The following NRG2 variants were observed in gnomAD, a reference collection of about 807,000 sequenced individuals.
NRG2 encodes the protein pro-neuregulin-2, membrane-bound isoform.
NRG2 carries 27 observed loss-of-function variants against 73.9 expected under a neutral mutation model. The observed-to-expected ratio is 0.37, with a 90% CI of 0.27 to 0.50. The LOEUF is 0.50. Among genes scored for constraint, NRG2 ranks in the 20% least tolerant of loss-of-function variants. The pLI is 0.96. For missense variants in NRG2, 1,126 were observed against 1,210.1 expected, an observed-to-expected ratio of 0.93 and a Z score of 1.03; for synonymous variants, 532 against 541.0, an observed-to-expected ratio of 0.98 and a Z score of 0.23.
At chr5:139,901,174 C>A (rs1363184190) in intron 1 of NRG2, among the ~76,000 whole-genome samples, 2 of 152,256 alleles carry the variant, frequency 1.3e-5, no homozygotes, top group Non-Finnish European at 2.9e-5. Flanking sequence ...GACTAGAGCT[C>A]TTGGTCCCCT....
At chr5:139,875,927 T>TG (rs1763150374) in intron 3 of NRG2, among the ~76,000 whole-genome samples, 1 of 152,252 alleles carries the variant, frequency 6.6e-6, no homozygotes, top group African/African-American at 2.4e-5. Context: ...GAAAGCAGTC[T>TG]GGGAGTTCCT....
At chr5:139,867,689 A>G (rs942002367) in intron 4 of NRG2, among the ~76,000 whole-genome samples, 5 of 152,064 alleles carry the variant, frequency 3.3e-5, no homozygotes, top group Admixed American at 6.5e-5. Context: ...GGATTCCACA[A>G]AGGAACAAGA....
rs547524767 is a variant in NRG2, at chr5:139,880,806, C to T, written c.991+50G>A. 4.4e-4 allele frequency: 651 copies of T among 1,484,450 alleles called. 5 individuals carry two copies. In the South Asian group the frequency reaches 6.8e-3, roughly 15 times the overall value. The allele number at this position is 1,484,450 out of a possible 1,614,324, so 92.0% of individuals were successfully genotyped here. ...CCCAAGGGCTGGGGGGCCACTGGCCCGCCCTGCCAAACCCCTCTAGGACCC... is the reference window on the plus strand; with the variant it reads ...CCCAAGGGCTGGGGGGCCACTGGCCTGCCCTGCCAAACCCCTCTAGGACCC... On this transcript the variant is annotated intron_variant, in intron 3 of 9. Coordinates refer to ENST00000361474, the MANE Select transcript of NRG2 (RefSeq NM_004883.3).
chr5:139,992,316 T>C (rs746074271), intron 1 of NRG2, among the ~76,000 whole-genome samples: 2 of 152,246 alleles, frequency 1.3e-5, no homozygotes, highest in Non-Finnish European at 2.9e-5. Flanking sequence ...TAAATTACTT[T>C]TACATATTCA....
chr5:140,042,542 G>T lies in NRG2; in HGVS notation c.528C>A (p.Arg176=). Residue 176 remains arginine, a synonymous_variant, in exon 1 of 10, where the codon CGC becomes CGA. Coordinates refer to ENST00000361474, the MANE Select transcript of NRG2 (RefSeq NM_004883.3). ...AGGAGCCCACGCTGATCACCTGCTC[G>T]CGCTGCAGCCCCCCGCTCCGGAGCG... ...KWPLRSGGLQ[R]EQVISVGSCV... 6.2e-7 allele frequency: 1 copy of T among 1,612,658 alleles called. No individual in the cohort carries two copies. Among genetic ancestry groups the T allele is most frequent in the African/African-American group, 1.3e-5 (1 of 74,924 alleles).
intron 1 of NRG2, among the ~76,000 whole-genome samples, chr5:140,029,287 T>C (rs1372767884): frequency 1.3e-5 from 2 of 152,136 alleles, no homozygotes; most frequent in African/African-American, 2.4e-5. Context: ...AGAAACACAG[T>C]CAGGAACAGA....
chr5:139,920,739 G>A (rs1012249200), intron 1 of NRG2, among the ~76,000 whole-genome samples: 3 of 152,118 alleles, frequency 2.0e-5, no homozygotes, highest in Admixed American at 6.5e-5. Context: ...GGTAGGGAAG[G>A]CAGAATACTC....
rs1484540485 is a variant in NRG2 at position 139,851,716 on chromosome 5, C to T, written c.1660G>A (p.Glu554Lys). 2 of 1,614,078 alleles carry T rather than the reference C, an allele frequency of 1.2e-6. No homozygotes were observed. Among genetic ancestry groups the T allele is most frequent in the African/African-American group, 2.7e-5 (2 of 74,936 alleles). The change falls in exon 9 of 10, where the codon GAG becomes AAG. Residue 554 changes from glutamate (E) to lysine (K), a missense_variant. Around this residue, in one of 3 missense-constraint regions of NRG2, gnomAD observed 539 missense variants for 703.2 expected, o/e 0.77. Transcript: ENST00000361474. This position sits in a 1 kb window ranked among gnomAD's most constrained non-coding sequence, Gnocchi z 4.2. Reference sequence around the variant, plus strand: ...GCTGCTGCCCGCCTTGCCCGGGCCTCCACACATGCTGGGCTGTTGCATTTG... The same window carrying T: ...GCTGCTGCCCGCCTTGCCCGGGCCTTCACACATGCTGGGCTGTTGCATTTG... The part of the protein sequence containing the change: ...TSKCNSPACV[E>K]ARARRAAAYN...
At chr5:139,898,996 T>A (rs1266519668) in intron 1 of NRG2, among the ~76,000 whole-genome samples, 1 of 152,264 alleles carries the variant, frequency 6.6e-6, no homozygotes, top group Non-Finnish European at 1.5e-5. Context: ...CTCAGATTCC[T>A]CTGGTTAGAG....
intron 1 of NRG2, among the ~76,000 whole-genome samples, chr5:140,006,863 C>T (rs1225873888): frequency 6.6e-6 from 1 of 152,068 alleles, no homozygotes; most frequent in Admixed American, 6.5e-5. Context: ...TTCATAGTCC[C>T]CATTATAGAG....
chr5:140,016,299 G>A (rs1355801668), intron 1 of NRG2, among the ~76,000 whole-genome samples: 1 of 152,050 alleles, frequency 6.6e-6, no homozygotes, highest in Non-Finnish European at 1.5e-5. Context: ...TCACTCTCAG[G>A]GCCTTAGTTT....
At chr5:139,966,710 TGAGA>T (rs1314503014) in intron 1 of NRG2, among the ~76,000 whole-genome samples, 1 of 151,808 alleles carries the variant, frequency 6.6e-6, no homozygotes, top group Non-Finnish European at 1.5e-5. Context: ...GAGGAGAGGC[TGAGA>T]GAGAGAGTTG....
Position 139,959,141 on chromosome 5 carries a change from G to C in NRG2, c.701-71630C>G, listed in dbSNP as rs1313012157. 2.0e-5 allele frequency among the ~76,000 whole-genome samples: 3 copies of C among 152,218 alleles called. No individual in the cohort carries two copies. The East Asian group carries it at 5.8e-4, about 29-fold the overall frequency. On this transcript the variant is annotated intron_variant, in intron 1 of 9. Coordinates refer to ENST00000361474, the MANE Select transcript of NRG2 (RefSeq NM_004883.3). ...CTGAGAAGGTGAGCATTGTACAGGA[G>C]AGGGTGTTGGCCTTGAGACAGAGAA...
At chr5:139,929,100 T>A (rs1752272071) in intron 1 of NRG2, among the ~76,000 whole-genome samples, 1 of 152,218 alleles carries the variant, frequency 6.6e-6, no homozygotes, top group Non-Finnish European at 1.5e-5. Flanking sequence ...TCAAAAGTCC[T>A]TCTGAGCTCT....
intron 3 of NRG2, among the ~76,000 whole-genome samples, chr5:139,877,671 T>G (rs1411006364): frequency 2.6e-5 from 4 of 152,160 alleles, no homozygotes. Flanking sequence ...AGAAGTGGTG[T>G]GGTATGTGTT....
chr5:139,890,299 A>G (rs916555635), intron 1 of NRG2, among the ~76,000 whole-genome samples: 8 of 152,200 alleles, frequency 5.3e-5, no homozygotes, highest in African/African-American at 1.9e-4. Flanking sequence ...CTGTTCATGC[A>G]TGCAGTCTGT....
rs574485709 is a variant in NRG2, at chr5:139,856,806, A to C, written c.1190-1028T>G. ...TTCATTCACGCACACACACCTGCAC[A>C]CACAACATATGCACACACACAGAGT... On this transcript the variant is annotated intron_variant, in intron 5 of 9. Transcript: ENST00000361474. The surrounding 1 kb of genome is among the most constrained non-coding windows in gnomAD (Gnocchi z 4.2). Among the ~76,000 whole-genome samples, 1 of 152,192 alleles carries C rather than the reference A, an allele frequency of 6.6e-6. No individual in the cohort carries two copies. Among genetic ancestry groups the C allele is most frequent in the African/African-American group, 2.4e-5 (1 of 41,456 alleles).
chr5:139,881,436 G>T (rs1763521126), intron 2 of NRG2, among the ~76,000 whole-genome samples: 2 of 152,204 alleles, frequency 1.3e-5, no homozygotes, highest in Admixed American at 1.3e-4. Flanking sequence ...CCATGGTGAT[G>T]GTGCCCAGAC....
intron 1 of NRG2, among the ~76,000 whole-genome samples, chr5:140,041,359 A>C (rs1206576704): frequency 1.3e-5 from 2 of 152,210 alleles, no homozygotes; most frequent in Non-Finnish European, 2.9e-5. Flanking sequence ...GGACAATTTG[A>C]TTTGAAATAT....
Sources: allele counts gnomAD v4.1 joint callset (sites outside exome capture counted in the v4.1 genomes callset), GRCh38; gene constraint gnomAD v4.1.1; regional missense constraint gnomAD v4.1.1; non-coding constraint Gnocchi (gnomAD v3.1); transcripts MANE v1.5; gene names NCBI Gene and HGNC (gene_info 2026-07-23, HGNC 2026-07-21).